Variants in GPC6 observed in about 807,000 individuals in gnomAD.
The protein encoded by GPC6 is glypican 6.
GPC6 carries 14 observed loss-of-function variants against 55.2 expected under a neutral mutation model. That is an observed-to-expected ratio of 0.25 (90% CI 0.17 to 0.40). GPC6 has a LOEUF of 0.40. Ranked by LOEUF, GPC6 falls within the 10% of genes least tolerant of loss-of-function variation. The probability of loss-of-function intolerance (pLI) is 1.00; values close to 1 mark genes in which losing one functional copy is unlikely to be tolerated. For synonymous variants in GPC6, 278 were observed against 259.6 expected (o/e 1.07, Z -0.68); for missense variants, 641 against 708.5 (o/e 0.90, Z 1.08).
At chr13:93,338,344 G>C (rs1403545289) in intron 1 of GPC6, among the ~76,000 whole-genome samples, 2 of 152,114 alleles carry the variant, frequency 1.3e-5, no homozygotes, top group African/African-American at 2.4e-5. Context: ...TTTATGACAG[G>C]CAGCCAGACC....
chr13:93,834,077 G>A (rs991139501), intron 3 of GPC6, among the ~76,000 whole-genome samples: 6 of 152,120 alleles, frequency 3.9e-5, no homozygotes, highest in African/African-American at 1.4e-4. Context: ...GCTCACTTTA[G>A]ATAATAATCT....
rs188546951 is a variant in GPC6 at position 93,975,288 on chromosome 13, G to A, written c.712-52441G>A. Among the ~76,000 whole-genome samples the A allele has an allele frequency of 1.7e-3, 257 of 152,166 alleles. 2 individuals are homozygous for A. Among genetic ancestry groups the A allele is most frequent in the Non-Finnish European group, 2.1e-3 (143 of 67,994 alleles). On this transcript the variant is annotated intron_variant, in intron 3 of 8. Transcript: ENST00000377047. ...TAAACTCTTGCCAAAGGAATATTAC[G>A]TTAGGGTTTTATTGCTTAATCTTTC...
At chr13:93,320,659 T>A (rs1879408154) in intron 1 of GPC6, among the ~76,000 whole-genome samples, 1 of 151,822 alleles carries the variant, frequency 6.6e-6, no homozygotes, top group Non-Finnish European at 1.5e-5. Context: ...ACACACACAC[T>A]CTATTATGAT....
intron 4 of GPC6, among the ~76,000 whole-genome samples, chr13:94,097,269 G>T (rs1020301460): frequency 2.0e-5 from 3 of 152,060 alleles, no homozygotes; most frequent in Non-Finnish European, 2.9e-5. Context: ...TTGGGAGGCC[G>T]AGGCGGGTGG....
At chr13:94,024,193 T>C (rs1355446228) in intron 3 of GPC6, among the ~76,000 whole-genome samples, 1 of 151,928 alleles carries the variant, frequency 6.6e-6, no homozygotes, top group Admixed American at 6.6e-5. Context: ...TTAATAGCAA[T>C]GTACTAATGT....
intron 2 of GPC6, among the ~76,000 whole-genome samples, chr13:93,712,392 G>A (rs1312549643): frequency 2.6e-5 from 4 of 151,654 alleles, no homozygotes; most frequent in African/African-American, 4.8e-5. Flanking sequence ...CAGGGAGGTA[G>A]CACGCATCAG....
At chr13:94,018,184 T>G (rs1882551386) in intron 3 of GPC6, among the ~76,000 whole-genome samples, 1 of 152,174 alleles carries the variant, frequency 6.6e-6, no homozygotes, top group Non-Finnish European at 1.5e-5. Flanking sequence ...ATTGTGTGTG[T>G]TTTTCCTTTG....
chr13:93,285,895 G>C (rs1286857509), intron 1 of GPC6, among the ~76,000 whole-genome samples: 1 of 152,018 alleles, frequency 6.6e-6, no homozygotes, highest in Non-Finnish European at 1.5e-5. Flanking sequence ...ACTTACATGA[G>C]AAATACAGAT....
At chr13:93,833,226 G>A (rs1464774811) in intron 3 of GPC6, among the ~76,000 whole-genome samples, 1 of 151,684 alleles carries the variant, frequency 6.6e-6, no homozygotes, top group Non-Finnish European at 1.5e-5. Context: ...ATTTGTCTCA[G>A]GAATTTAAGT....
At chr13:93,719,980 G>A (rs1481033620) in intron 2 of GPC6, among the ~76,000 whole-genome samples, 1 of 151,758 alleles carries the variant, frequency 6.6e-6, no homozygotes, top group South Asian at 2.1e-4. Context: ...CTGGATTTGG[G>A]TTGCCAGTAT....
chr13:93,302,961 G>A (rs777910824), intron 1 of GPC6, among the ~76,000 whole-genome samples: 4 of 152,008 alleles, frequency 2.6e-5, no homozygotes, highest in Non-Finnish European at 5.9e-5. Flanking sequence ...TCTTATAAAT[G>A]CCTATATAAA....
At chr13:93,579,327 A>G (rs1876822175) in intron 2 of GPC6, among the ~76,000 whole-genome samples, 1 of 152,142 alleles carries the variant, frequency 6.6e-6, no homozygotes, top group South Asian at 2.1e-4. Context: ...CTAGTAGTGT[A>G]TCACATTTTT....
At chr13:94,172,237 T>C (rs1425278357) in intron 4 of GPC6, among the ~76,000 whole-genome samples, 1 of 152,158 alleles carries the variant, frequency 6.6e-6, no homozygotes, top group Non-Finnish European at 1.5e-5. Flanking sequence ...TGAAATCTTT[T>C]TTTTTTCCCA....
At chr13:94,001,483 G>A (rs1428534258) in intron 3 of GPC6, among the ~76,000 whole-genome samples, 1 of 152,072 alleles carries the variant, frequency 6.6e-6, no homozygotes, top group Non-Finnish European at 1.5e-5. Flanking sequence ...ATGAAATGAT[G>A]TGTACACTAA....
intron 1 of GPC6, among the ~76,000 whole-genome samples, chr13:93,371,865 C>G (rs1396710615): frequency 6.6e-6 from 1 of 152,100 alleles, no homozygotes; most frequent in African/African-American, 2.4e-5. Flanking sequence ...AATCTAATGT[C>G]ATAGAATTCA....
At chr13:93,633,353 T>C (rs1014358074) in intron 2 of GPC6, among the ~76,000 whole-genome samples, 2 of 152,124 alleles carry the variant, frequency 1.3e-5, no homozygotes, top group African/African-American at 4.8e-5. Context: ...CCAGCTTTAA[T>C]AAATAACTGC....
rs5805840 is a variant in GPC6, at chr13:93,995,161, C to CTATTT, written c.712-32531_712-32527dup. Among the ~76,000 whole-genome samples the CTATTT allele has an allele frequency of 6.8e-3, 979 of 144,398 alleles. 4 individuals are homozygous for CTATTT. Among genetic ancestry groups the CTATTT allele is most frequent in the Middle Eastern group, 0.011 (3 of 280 alleles). 94.7% of individuals were successfully genotyped at this position (144,398 alleles called of 152,430 possible). ...TTTCACATAGCACCCTGTACTTCAA[C>CTATTT]TATTTTATTTTATTTTATTTTATTT... On this transcript the variant is annotated intron_variant, in intron 3 of 8. Coordinates refer to ENST00000377047, the MANE Select transcript of GPC6 (RefSeq NM_005708.5).
chr13:94,143,130 GC>G (rs1887444169), intron 4 of GPC6, among the ~76,000 whole-genome samples: 1 of 101,326 alleles, frequency 9.9e-6, no homozygotes, highest in Admixed American at 9.5e-5. Flanking sequence ...CAGCCAGATG[GC>G]TGGCTACCTT....
At chr13:94,288,301 C>A (rs901874209) in intron 5 of GPC6, among the ~76,000 whole-genome samples, 2 of 152,098 alleles carry the variant, frequency 1.3e-5, no homozygotes, top group African/African-American at 2.4e-5. Flanking sequence ...CTCAGTTTCT[C>A]TAAAAGCAAC....
Sources: gnomAD v4.1 joint callset for allele counts (sites outside exome capture counted in the v4.1 genomes callset) on GRCh38, gnomAD v4.1.1 for gene constraint, MANE v1.5 for transcripts, NCBI Gene and HGNC (gene_info 2026-07-23, HGNC 2026-07-21) for gene names.